Variants in DSCAML1 observed in about 807,000 individuals in gnomAD.
DSCAML1 encodes DS cell adhesion molecule like 1.
A neutral mutation model predicts 200.5 loss-of-function variants in DSCAML1; 38 were observed. The observed-to-expected ratio is 0.19, with a 90% CI of 0.15 to 0.25. The LOEUF (loss-of-function observed/expected upper bound fraction) is 0.25, where lower values mean the gene tolerates loss of function less well. Among genes scored for constraint, DSCAML1 ranks in the 10% least tolerant of loss-of-function variants. The pLI, the probability that DSCAML1 is intolerant of heterozygous loss-of-function variation, is 1.00. For synonymous variants in DSCAML1, 1,215 were observed against 1,165.0 expected, an observed-to-expected ratio of 1.04 and a Z score of -0.87; for missense variants, 2,223 against 2,858.8, an observed-to-expected ratio of 0.78 and a Z score of 5.07.
chr11:117,628,454 A>C (rs771920096), intron 3 of DSCAML1, among the ~76,000 whole-genome samples: 6 of 152,244 alleles, frequency 3.9e-5, no homozygotes, highest in Non-Finnish European at 5.9e-5. Context: ...AGTCACGTGC[A>C]AAATGTAAAA....
At chr11:117,630,401 C>T (rs12361426) in intron 3 of DSCAML1, among the ~76,000 whole-genome samples, 1 of 152,140 alleles carries the variant, frequency 6.6e-6, no homozygotes, top group Non-Finnish European at 1.5e-5. Context: ...CAGATCTCCA[C>T]TCCCAAACCT....
At position 117,698,951 on chromosome 11, in the gene DSCAML1, G is replaced by A. The variant is rs141970486; in HGVS notation, c.511+77840C>T. 4.8e-3 allele frequency among the ~76,000 whole-genome samples: 730 copies of A among 152,280 alleles called. 6 individuals are homozygous for A. The highest frequency in any genetic ancestry group is 4.5e-3 in the Non-Finnish European group (304 of 68,028). ...GCACATGACACTTACGCACAACACCGTACTCTAGGGCTACGGCACTGCAAA... is the reference window on the plus strand; with the variant it reads ...GCACATGACACTTACGCACAACACCATACTCTAGGGCTACGGCACTGCAAA... On this transcript the variant is annotated intron_variant, in intron 3 of 32. Coordinates refer to ENST00000651296, the MANE Select transcript of DSCAML1 (RefSeq NM_020693.4).
At chr11:117,637,990 A>T (rs1177317920) in intron 3 of DSCAML1, among the ~76,000 whole-genome samples, 1 of 152,086 alleles carries the variant, frequency 6.6e-6, no homozygotes, top group Non-Finnish European at 1.5e-5. Context: ...AGGGGACCCC[A>T]CTCCTCACAT....
chr11:117,607,153 G>A (rs1591316206), intron 3 of DSCAML1, among the ~76,000 whole-genome samples: 2 of 152,206 alleles, frequency 1.3e-5, no homozygotes, highest in Non-Finnish European at 1.5e-5. Context: ...ACCTGCATGC[G>A]GCTATCCTCG....
At chr11:117,677,288 G>C (rs1004666316) in intron 3 of DSCAML1, among the ~76,000 whole-genome samples, 1 of 152,184 alleles carries the variant, frequency 6.6e-6, no homozygotes, top group Admixed American at 6.5e-5. Context: ...GGGGTCGGGG[G>C]CTGGTTCTGA....
At chr11:117,656,521 A>G (rs1052151659) in intron 3 of DSCAML1, among the ~76,000 whole-genome samples, 3 of 149,680 alleles carry the variant, frequency 2.0e-5, no homozygotes, top group African/African-American at 7.3e-5. Context: ...CTATCTATCT[A>G]TCTATCTATC....
At position 117,622,671 on chromosome 11, in the gene DSCAML1, C is replaced by T. The variant is rs7942237; in HGVS notation, c.512-90149G>A. On this transcript the variant is annotated intron_variant, in intron 3 of 32. Coordinates refer to ENST00000651296, the MANE Select transcript of DSCAML1 (RefSeq NM_020693.4). ...ATATTCAGTTCTGAAGGACCAGAGC[C>T]CTGATCCACTGGGGATGACGGGAGC... is the stretch of plus-strand genomic sequence containing the variant. Among the ~76,000 whole-genome samples, 1,060 of 152,180 alleles carry T rather than the reference C, an allele frequency of 7.0e-3. 11 individuals carry two copies. Among genetic ancestry groups the T allele is most frequent in the Non-Finnish European group, 0.012 (846 of 67,988 alleles).
chr11:117,443,778 G>A, intron 21 of DSCAML1, 108 bp downstream of exon 21: 1 of 1,448,430 alleles, frequency 6.9e-7, no homozygotes, highest in East Asian at 2.3e-5. Context: ...TCACAGCTGG[G>A]TGGCAGATAA....
At chr11:117,614,971 T>C (rs78460579) in intron 3 of DSCAML1, among the ~76,000 whole-genome samples, 3 of 152,180 alleles carry the variant, frequency 2.0e-5, no homozygotes, top group African/African-American at 4.8e-5. Context: ...CTGATGCCAA[T>C]AGATAATCAG....
intron 1 of DSCAML1, among the ~76,000 whole-genome samples, chr11:117,810,511 C>A (rs867669179): frequency 2.0e-5 from 3 of 152,234 alleles, no homozygotes; most frequent in African/African-American, 4.8e-5. Flanking sequence ...CCCCCTTCTC[C>A]GTATCTCTAC....
At chr11:117,816,132 A>G (rs1031612917) in intron 1 of DSCAML1, among the ~76,000 whole-genome samples, 2 of 152,160 alleles carry the variant, frequency 1.3e-5, no homozygotes, top group South Asian at 2.1e-4. Context: ...ACTCAACGGC[A>G]AACTATGAAG....
upstream of DSCAML1, among the ~76,000 whole-genome samples, chr11:117,800,054 T>A (rs2055643355): frequency 6.6e-6 from 1 of 152,228 alleles, no homozygotes; most frequent in Non-Finnish European, 1.5e-5. Flanking sequence ...CCTGGAGAGA[T>A]GGCTAACAAA....
intron 1 of DSCAML1, among the ~76,000 whole-genome samples, chr11:117,815,610 C>T (rs975850299): frequency 6.6e-6 from 1 of 152,080 alleles, no homozygotes; most frequent in African/African-American, 2.4e-5. Context: ...CATCTAGAGA[C>T]AGTAGCAGCC....
In DSCAML1 at chr11:117,438,032, A is replaced by G; in HGVS notation, c.4295T>C (p.Phe1432Ser). The G allele has an allele frequency of 6.2e-7, 1 of 1,614,060 alleles. No homozygotes were observed. The highest frequency in any genetic ancestry group is 8.5e-7 in the Non-Finnish European group (1 of 1,179,978). The change falls in exon 25 of 33, where the codon TTC (phenylalanine) becomes TCC (serine). Residue 1432 changes from phenylalanine to serine, a missense_variant. Phe to Ser is a radical substitution (Grantham distance 155). This residue lies in a region of DSCAML1 where 614 missense variants were observed against 739.1 expected (regional missense o/e 0.83). Transcript: ENST00000651296. ...VDNSEEWKDV[F>S]ISSSERSFKL... ...GAAGGAGCGCTCGCTGGAGCTGATG[A>G]ACACATCCTTCCACTCCTCGCTGTT...
In DSCAML1 at chr11:117,783,376, T is replaced by C. The variant is rs117464367; in HGVS notation, c.47-2566A>G. The stretch of plus-strand genomic sequence containing the variant: ...TCCCCGACAAGGAGGAATTCAGGAA[T>C]TGATTCATGGGAGAAGGTAAGTAAG... On this transcript the variant is annotated intron_variant, in intron 1 of 32. Transcript: ENST00000651296. Among the ~76,000 whole-genome samples the C allele has an allele frequency of 3.0e-3, 450 of 152,186 alleles. 2 individuals carry two copies. Among genetic ancestry groups the C allele is most frequent in the Middle Eastern group, 0.014 (4 of 294 alleles).
intron 1 of DSCAML1, among the ~76,000 whole-genome samples, chr11:117,802,530 C>T (rs1240054824): frequency 2.0e-5 from 3 of 152,196 alleles, no homozygotes; most frequent in African/African-American, 7.2e-5. Context: ...TGATTACAGC[C>T]TCACGTGCCA....
intron 3 of DSCAML1, among the ~76,000 whole-genome samples, chr11:117,617,680 G>GCACACGCA (rs2051837734): frequency 7.0e-6 from 1 of 142,910 alleles, no homozygotes; most frequent in Non-Finnish European, 1.5e-5. Flanking sequence ...ACAGGTACAC[G>GCACACGCA]CACACACACA....
chr11:117,435,696 C>A lies in DSCAML1; in HGVS notation c.4824G>T (p.Leu1608=). 2 of 1,612,200 alleles carry A rather than the reference C, an allele frequency of 1.2e-6. No homozygotes were observed. The highest frequency in any genetic ancestry group is 8.5e-7 in the Non-Finnish European group (1 of 1,178,468). Residue 1608 remains leucine, a synonymous_variant, in exon 27 of 33, where the codon CTG becomes CTT. Transcript: ENST00000651296. ...PVILATLGVA[L]LFIVRKKRKE... is the part of the protein sequence containing the mutation. ...TCCTCTTCTTGCGTACGATGAAGAGCAGTGCCACCCCCAGTGTGGCCAGGA... is the reference window on the plus strand; with the variant it reads ...TCCTCTTCTTGCGTACGATGAAGAGAAGTGCCACCCCCAGTGTGGCCAGGA...
At chr11:117,594,450 AGATCCGCTGATGCTCT>A in intron 3 of DSCAML1, among the ~76,000 whole-genome samples, 1 of 152,244 alleles carries the variant, frequency 6.6e-6, no homozygotes, top group East Asian at 1.9e-4. Flanking sequence ...GAAGCTCATC[AGATCCGCTGATGCTCT>A]CAGCAATGCA....
Sources: allele counts gnomAD v4.1 joint callset (sites outside exome capture counted in the v4.1 genomes callset), GRCh38; gene constraint gnomAD v4.1.1; regional missense constraint gnomAD v4.1.1; transcripts MANE v1.5; gene names NCBI Gene and HGNC (gene_info 2026-07-23, HGNC 2026-07-21).